The following PECR variants were observed in gnomAD, a reference collection of about 807,000 sequenced individuals.
PECR encodes 2,4-dienoyl-CoA reductase-related protein.
In PECR, 30 loss-of-function variants were observed where a neutral mutation model predicts 35.3. The ratio of observed to expected loss-of-function variants is 0.85; its 90% CI spans 0.64 to 1.15. The LOEUF is 1.15. Ranked by LOEUF, PECR falls within the 50% of genes most tolerant of loss-of-function variation. PECR has a pLI of 0.00. For synonymous variants in PECR, 148 were observed against 138.9 expected (o/e 1.07, Z -0.46); for missense variants, 392 against 370.8 (o/e 1.06, Z -0.47).
chr2:216,059,441 C>T (rs1157829143), intron 3 of PECR, among the ~76,000 whole-genome samples: 1 of 152,146 alleles, frequency 6.6e-6, no homozygotes, highest in Non-Finnish European at 1.5e-5. Flanking sequence ...TTTTTGATTG[C>T]CGAGTAGTAT....
chr2:216,029,353 C>T (rs1271374117), intron 7 of PECR, among the ~76,000 whole-genome samples: 1 of 152,184 alleles, frequency 6.6e-6, no homozygotes, highest in Admixed American at 6.5e-5. Context: ...TGGCGCGCTT[C>T]TGTAGTCCCA....
At chr2:216,056,105 C>G (rs1455397230) in intron 4 of PECR, among the ~76,000 whole-genome samples, 5 of 152,134 alleles carry the variant, frequency 3.3e-5, no homozygotes, top group Admixed American at 2.0e-4. Context: ...CTTTGCTCCC[C>G]TACTAGTTGT....
At chr2:216,061,923 CTG>C in intron 3 of PECR, among the ~76,000 whole-genome samples, 1 of 151,762 alleles carries the variant, frequency 6.6e-6, no homozygotes, top group Middle Eastern at 3.4e-3. Flanking sequence ...ACCTTTGTAT[CTG>C]TAATTTCCTT....
chr2:216,055,381 G>C (rs1217200766), intron 4 of PECR, among the ~76,000 whole-genome samples: 1 of 150,460 alleles, frequency 6.6e-6, no homozygotes, highest in African/African-American at 2.4e-5. Context: ...AGGTTGTGGT[G>C]AGCTGCGATA....
intron 7 of PECR, among the ~76,000 whole-genome samples, chr2:216,030,956 T>TCACACA (rs1219074422): frequency 3.4e-4 from 39 of 113,308 alleles, no homozygotes; most frequent in Middle Eastern, 3.8e-3. Flanking sequence ...TCTCTCTCTC[T>TCACACA]CACACACACA....
chr2:216,035,631 C>T (rs181431493), downstream of PECR, among the ~76,000 whole-genome samples: 127 of 152,108 alleles, frequency 8.3e-4, no homozygotes, highest in African/African-American at 3.0e-3. Flanking sequence ...GGACTACAGA[C>T]GCCCGCCACC....
Position 216,040,348 on chromosome 2 carries a change from G to A in PECR, c.827-988C>T, listed in dbSNP as rs547557950. 1.7e-3 allele frequency among the ~76,000 whole-genome samples: 252 copies of A among 152,186 alleles called. 1 individual carries two copies. The highest frequency in any genetic ancestry group is 5.7e-3 in the African/African-American group (235 of 41,522). On this transcript the variant is annotated intron_variant, in intron 7 of 7. Coordinates refer to ENST00000265322, the MANE Select transcript of PECR (RefSeq NM_018441.6). Reference sequence around the variant, plus strand: ...TGCAATCATGGCTCACTGCAACCTCGACTTCCCGGGCTCCAGTGATCCTCC... The same window carrying A: ...TGCAATCATGGCTCACTGCAACCTCAACTTCCCGGGCTCCAGTGATCCTCC...
intron 4 of PECR, among the ~76,000 whole-genome samples, chr2:216,053,686 T>C (rs1306493497): frequency 6.6e-6 from 1 of 152,160 alleles, no homozygotes; most frequent in Non-Finnish European, 1.5e-5. Flanking sequence ...TTTGGAGCAT[T>C]CTGGATTTTG....
chr2:216,052,491 T>C (rs533032988), intron 4 of PECR, among the ~76,000 whole-genome samples: 136 of 152,376 alleles, frequency 8.9e-4, no homozygotes, highest in South Asian at 7.2e-3. Context: ...TTTCAATGGA[T>C]AAAGAATTCC....
chr2:216,054,886 G>T (rs990311365), intron 4 of PECR, among the ~76,000 whole-genome samples: 1 of 151,864 alleles, frequency 6.6e-6, no homozygotes, highest in African/African-American at 2.4e-5. Flanking sequence ...GCCGAGGCAG[G>T]CGGATCACAA....
rs1245140118 is a variant in PECR at position 216,066,380 on chromosome 2, A to G, written c.258+5T>C. The G allele has an allele frequency of 6.2e-7, 1 of 1,611,104 alleles. No homozygotes were observed. The highest frequency in any genetic ancestry group is 1.1e-5 in the South Asian group (1 of 91,032). ...GAATAAATGATACAGATATATCTCC[A>G]TTACCTCCTCCTCATTCCGGATGTT... is the stretch of plus-strand genomic sequence containing the variant. On this transcript the variant is annotated splice_donor_5th_base_variant and intron_variant, in intron 2 of 7. Transcript: ENST00000265322.
At chr2:216,071,983 A>G (rs900394618) in intron 1 of PECR, among the ~76,000 whole-genome samples, 1 of 152,232 alleles carries the variant, frequency 6.6e-6, no homozygotes, top group Non-Finnish European at 1.5e-5. Flanking sequence ...TTACAATGCC[A>G]CAATGCCATG....
chr2:216,047,202 G>A (rs1695012840), intron 6 of PECR, among the ~76,000 whole-genome samples: 1 of 151,168 alleles, frequency 6.6e-6, no homozygotes, highest in Non-Finnish European at 1.5e-5. Context: ...AGGTTGTGGT[G>A]AGCCGAGATC....
chr2:216,032,265 CA>C (rs1694721838), intron 7 of PECR, among the ~76,000 whole-genome samples: 1 of 152,170 alleles, frequency 6.6e-6, no homozygotes. Flanking sequence ...GAAATGAAAA[CA>C]AAAGCCAAAT....
chr2:216,045,430 A>G (rs1694971655), intron 6 of PECR, among the ~76,000 whole-genome samples: 1 of 152,272 alleles, frequency 6.6e-6, no homozygotes, highest in Admixed American at 6.5e-5. Flanking sequence ...TTAATCCTGG[A>G]TGCTCCGAGG....
At chr2:216,073,256 AAC>A (rs1030831038) in intron 1 of PECR, among the ~76,000 whole-genome samples, 10 of 152,184 alleles carry the variant, frequency 6.6e-5, no homozygotes, top group African/African-American at 2.4e-4. Flanking sequence ...AAATAACTGA[AAC>A]ACAGTCACAC....
chr2:216,069,358 G>A lies in PECR; in HGVS notation c.125-2840C>T, dbSNP rs892093449. ...GTGTCACCTCCTGGTCTTTCAACAA[G>A]AAACCCAAGTGACATTTTATAAAAA... On this transcript the variant is annotated intron_variant, in intron 1 of 7. Coordinates refer to ENST00000265322, the MANE Select transcript of PECR (RefSeq NM_018441.6). 2.0e-5 allele frequency among the ~76,000 whole-genome samples: 3 copies of A among 152,162 alleles called. No homozygotes were observed. The South Asian group carries it at 6.2e-4, about 31-fold the overall frequency.
chr2:216,058,204 T>G (rs1007674918), intron 4 of PECR, among the ~76,000 whole-genome samples: 11 of 152,142 alleles, frequency 7.2e-5, no homozygotes, highest in Admixed American at 2.6e-4. Flanking sequence ...TAATTTGCTG[T>G]GCTAACAACT....
At chr2:216,079,854 G>A (rs1695794100) in intron 1 of PECR, among the ~76,000 whole-genome samples, 1 of 148,350 alleles carries the variant, frequency 6.7e-6, no homozygotes, top group Non-Finnish European at 1.5e-5. Flanking sequence ...GGTAGTGCGT[G>A]CCTGTAATCC....
Sources: gnomAD v4.1 joint callset for allele counts (sites outside exome capture counted in the v4.1 genomes callset) on GRCh38, gnomAD v4.1.1 for gene constraint, MANE v1.5 for transcripts, NCBI Gene and HGNC (gene_info 2026-07-23, HGNC 2026-07-21) for gene names.